Variants in ITGB5 observed in about 807,000 individuals in gnomAD.
The protein encoded by ITGB5 is integrin beta-5.
Under a neutral mutation model 84.8 loss-of-function variants are expected in ITGB5, and 38 were observed. The ratio of observed to expected loss-of-function variants is 0.45; its 90% confidence interval spans 0.35 to 0.59. ITGB5 has a LOEUF of 0.59. ITGB5 is among the 20% of genes least tolerant of loss of function. ITGB5 has a pLI of 0.01. For synonymous variants in ITGB5, 393 were observed against 414.4 expected, an observed-to-expected ratio of 0.95 and a Z score of 0.63; for missense variants, 905 against 1,034.5, an observed-to-expected ratio of 0.87 and a Z score of 1.72.
chr3:124,864,096 CTTTTTTTTTT>C (rs558311822), intron 2 of ITGB5, among the ~76,000 whole-genome samples: 13 of 45,464 alleles, frequency 2.9e-4, no homozygotes, highest in African/African-American at 6.2e-4. Flanking sequence ...ACCTATATTT[CTTTTTTTTTT>C]TTTTTTTTTT....
At chr3:124,800,946 G>C (rs1366234989) in intron 9 of ITGB5, among the ~76,000 whole-genome samples, 1 of 152,186 alleles carries the variant, frequency 6.6e-6, no homozygotes, top group South Asian at 2.1e-4. Flanking sequence ...CTTGTTATTA[G>C]AACTTCATTG....
chr3:124,814,429 G>A (rs2064554103), intron 8 of ITGB5, among the ~76,000 whole-genome samples: 1 of 149,798 alleles, frequency 6.7e-6, no homozygotes, highest in Non-Finnish European at 1.5e-5. Context: ...AGTACAGTTT[G>A]CTGTATGTTA....
intron 3 of ITGB5, among the ~76,000 whole-genome samples, chr3:124,855,377 G>C (rs1478594520): frequency 1.3e-5 from 2 of 152,024 alleles, no homozygotes; most frequent in African/African-American, 2.4e-5. Context: ...CTAGAGTCAG[G>C]GGGGAGATAC....
chr3:124,879,505 C>A (rs1934475585), intron 1 of ITGB5, among the ~76,000 whole-genome samples: 1 of 152,182 alleles, frequency 6.6e-6, no homozygotes, highest in Non-Finnish European at 1.5e-5. Flanking sequence ...CTAAATGTTA[C>A]CATGAAATGC....
intron 9 of ITGB5, among the ~76,000 whole-genome samples, chr3:124,798,055 C>T (rs1453787425): frequency 3.6e-4 from 37 of 103,626 alleles, no homozygotes; most frequent in Non-Finnish European, 4.3e-4. Context: ...TAGAATAAAG[C>T]TTTTTTTTTT....
At chr3:124,822,558 G>A (rs541004350) in intron 5 of ITGB5, among the ~76,000 whole-genome samples, 10 of 152,050 alleles carry the variant, frequency 6.6e-5, no homozygotes, top group South Asian at 2.1e-4. Context: ...CTCCAGAGGC[G>A]GCATGGAAAT....
chr3:124,875,648 C>T (rs372250018), intron 1 of ITGB5, among the ~76,000 whole-genome samples: 4 of 152,006 alleles, frequency 2.6e-5, no homozygotes, highest in Middle Eastern at 3.2e-3. Flanking sequence ...AATTCCACTT[C>T]GGGGTATATA....
At chr3:124,800,558 C>A (rs2064300201) in intron 9 of ITGB5, among the ~76,000 whole-genome samples, 1 of 151,576 alleles carries the variant, frequency 6.6e-6, no homozygotes, top group South Asian at 2.1e-4. Context: ...AGCCTTCGGT[C>A]CAAGTGAGGT....
intron 2 of ITGB5, chr3:124,862,061 C>G (rs913409512): frequency 3.9e-5 from 6 of 152,258 alleles, no homozygotes; most frequent in African/African-American, 1.2e-4. Flanking sequence ...CTTTCCAGAG[C>G]TTGAAGAGCT....
In ITGB5 at chr3:124,785,956, T is replaced by G. The variant is rs369114930; in HGVS notation, c.1693+10432A>C. On this transcript the variant is annotated intron_variant, in intron 10 of 14. Coordinates refer to ENST00000296181, the MANE Select transcript of ITGB5 (RefSeq NM_002213.5). ...AAAGTAAATTTAGGTAGAAATGAGCTAATTGTTTACCTGCAAAAGGCAGTG... is the reference window on the plus strand; with the variant it reads ...AAAGTAAATTTAGGTAGAAATGAGCGAATTGTTTACCTGCAAAAGGCAGTG... Among the ~76,000 whole-genome samples the G allele has an allele frequency of 8.3e-4, 127 of 152,338 alleles. 1 individual carries two copies. In the South Asian group the frequency reaches 0.026, roughly 31 times the overall value.
intron 1 of ITGB5, among the ~76,000 whole-genome samples, chr3:124,883,467 C>T (rs2107652907): frequency 6.6e-6 from 1 of 152,302 alleles, no homozygotes; most frequent in African/African-American, 2.4e-5. Context: ...AGTCTACAGA[C>T]CAAACCCACT....
intron 5 of ITGB5, among the ~76,000 whole-genome samples, chr3:124,837,379 A>G (rs958812153): frequency 1.3e-5 from 2 of 152,248 alleles, no homozygotes; most frequent in African/African-American, 4.8e-5. Context: ...AGGTTCAATC[A>G]TAGGCTCTGG....
intron 8 of ITGB5, 58 bp downstream of exon 8, chr3:124,817,563 G>T: frequency 1.1e-6 from 1 of 913,062 alleles, no homozygotes; most frequent in Non-Finnish European, 1.7e-6. Flanking sequence ...CAGCTGCAGG[G>T]CCTCAGTGGG....
intron 5 of ITGB5, among the ~76,000 whole-genome samples, chr3:124,829,749 C>T (rs1026909762): frequency 1.3e-5 from 2 of 152,164 alleles, no homozygotes; most frequent in Non-Finnish European, 1.5e-5. Flanking sequence ...GAATTTATTC[C>T]ATTGTCACTG....
chr3:124,779,119 C>T (rs16835991), intron 10 of ITGB5, among the ~76,000 whole-genome samples: 10,246 of 152,192 alleles, frequency 0.067, 580 homozygotes, highest in African/African-American at 0.15. Context: ...CTGGCATTGC[C>T]GTGGGTGCCA....
chr3:124,786,545 G>A (rs1018711315), intron 10 of ITGB5, among the ~76,000 whole-genome samples: 1 of 152,196 alleles, frequency 6.6e-6, no homozygotes, highest in Non-Finnish European at 1.5e-5. Context: ...GATAGACTTT[G>A]GGAGTGGTGG....
chr3:124,889,017 C>G (rs1265123450), upstream of ITGB5, among the ~76,000 whole-genome samples: 1 of 152,088 alleles, frequency 6.6e-6, no homozygotes, highest in Non-Finnish European at 1.5e-5. Flanking sequence ...TCTCAGGGCC[C>G]CCAAATCACT....
intron 1 of ITGB5, among the ~76,000 whole-genome samples, chr3:124,883,274 A>G (rs564038205): frequency 1.3e-5 from 2 of 152,200 alleles, no homozygotes; most frequent in Non-Finnish European, 2.9e-5. Flanking sequence ...CCTTTTGCCA[A>G]ACTACTTAGA....
intron 5 of ITGB5, among the ~76,000 whole-genome samples, chr3:124,825,090 G>A (rs915609751): frequency 2.6e-5 from 4 of 151,950 alleles, no homozygotes; most frequent in East Asian, 1.9e-4. Flanking sequence ...CCAGCTACTC[G>A]GGAGGCTAAG....
Sources: gnomAD v4.1 joint callset for allele counts (sites outside exome capture counted in the v4.1 genomes callset) on GRCh38, gnomAD v4.1.1 for gene constraint, MANE v1.5 for transcripts, NCBI Gene and HGNC (gene_info 2026-07-23, HGNC 2026-07-21) for gene names.